Variants in MTUS1 observed in about 807,000 individuals in gnomAD.
The protein encoded by MTUS1 is microtubule-associated tumor suppressor 1.
Under a neutral mutation model 120.8 loss-of-function variants are expected in MTUS1, and 109 were observed. The ratio of observed to expected loss-of-function variants is 0.90; its 90% confidence interval spans 0.77 to 1.06. The LOEUF (loss-of-function observed/expected upper bound fraction) is 1.06. Ranked by LOEUF, MTUS1 falls within the 50% of genes least tolerant of loss-of-function variation. The pLI, the probability that MTUS1 is intolerant of heterozygous loss-of-function variation, is 0.00. For missense variants in MTUS1, 2,210 were observed against 1,486.3 expected (o/e 1.49, Z -8.01); for synonymous variants, 737 against 550.5 (o/e 1.34, Z -4.74).
chr8:17,666,595 T>C (rs1810962795), intron 8 of MTUS1, among the ~76,000 whole-genome samples: 1 of 152,168 alleles, frequency 6.6e-6, no homozygotes. Flanking sequence ...AAAGTGCAGA[T>C]TCCTCCTCAA....
At chr8:17,779,715 C>T (rs2050722266) in intron 1 of MTUS1, among the ~76,000 whole-genome samples, 1 of 152,210 alleles carries the variant, frequency 6.6e-6, no homozygotes, top group African/African-American at 2.4e-5. Flanking sequence ...GGTTTTCCTC[C>T]TAAACTCACA....
At chr8:17,734,465 G>T (rs1586037300) in intron 3 of MTUS1, among the ~76,000 whole-genome samples, 1 of 151,920 alleles carries the variant, frequency 6.6e-6, no homozygotes. Flanking sequence ...GGAGCAAAAA[G>T]TCCCACAAAG....
chr8:17,697,248 G>T, intron 6 of MTUS1: 1 of 1,611,296 alleles, frequency 6.2e-7, no homozygotes, highest in Non-Finnish European at 8.5e-7. Context: ...AGATCTATGC[G>T]AGACAGACCT....
At chr8:17,782,304 T>C (rs2050932526) in intron 1 of MTUS1, among the ~76,000 whole-genome samples, 1 of 152,348 alleles carries the variant, frequency 6.6e-6, no homozygotes, top group East Asian at 1.9e-4. Flanking sequence ...GATGATGTAG[T>C]AAGTTAAATA....
intron 6 of MTUS1, among the ~76,000 whole-genome samples, chr8:17,698,526 A>C (rs955561834): frequency 6.6e-6 from 1 of 152,234 alleles, no homozygotes. Flanking sequence ...ACAATGTTTT[A>C]AAAATGTCCT....
At chr8:17,780,347 C>T (rs1254544433) in intron 1 of MTUS1, among the ~76,000 whole-genome samples, 9 of 152,120 alleles carry the variant, frequency 5.9e-5, no homozygotes, top group African/African-American at 2.2e-4. Context: ...AACCATGAGC[C>T]AATTAAACCT....
intron 1 of MTUS1, among the ~76,000 whole-genome samples, chr8:17,769,488 C>A (rs1462331041): frequency 1.3e-5 from 2 of 151,010 alleles, no homozygotes; most frequent in Non-Finnish European, 2.9e-5. Context: ...GCTGGGACTA[C>A]AGGCGCCCGC....
intron 6 of MTUS1, among the ~76,000 whole-genome samples, chr8:17,686,953 A>T (rs1815937782): frequency 6.6e-6 from 1 of 152,224 alleles, no homozygotes; most frequent in East Asian, 1.9e-4. Context: ...TTAAAGTGAA[A>T]TTCGAGGACA....
At chr8:17,759,007 G>C (rs2048836188) in intron 1 of MTUS1, among the ~76,000 whole-genome samples, 2 of 151,968 alleles carry the variant, frequency 1.3e-5, no homozygotes, top group Admixed American at 1.3e-4. Flanking sequence ...TCAGCCTCCC[G>C]AGTAGCTGGG....
chr8:17,687,350 A>T (rs1816038018), intron 6 of MTUS1, among the ~76,000 whole-genome samples: 1 of 152,160 alleles, frequency 6.6e-6, no homozygotes, highest in African/African-American at 2.4e-5. Context: ...AAAAATCTCC[A>T]ATGACGCTCA....
intron 4 of MTUS1, chr8:17,722,050 C>G: frequency 1.5e-6 from 2 of 1,307,802 alleles, no homozygotes; most frequent in Non-Finnish European, 1.9e-6. Context: ...ATTAAACCAG[C>G]TAGCAAATCA....
chr8:17,728,242 G>C (rs1478059142), intron 3 of MTUS1, among the ~76,000 whole-genome samples: 1 of 152,108 alleles, frequency 6.6e-6, no homozygotes, highest in Non-Finnish European at 1.5e-5. Context: ...GTTGTAGGAA[G>C]CTGGGATTAC....
intron 8 of MTUS1, among the ~76,000 whole-genome samples, chr8:17,663,605 G>T (rs1413037148): frequency 3.0e-5 from 3 of 98,560 alleles, no homozygotes; most frequent in Non-Finnish European, 8.8e-5. Context: ...GTTTTGTTTT[G>T]TTTTTTTTGA....
At chr8:17,647,767 A>T (rs149155407) in intron 13 of MTUS1, among the ~76,000 whole-genome samples, 1 of 152,314 alleles carries the variant, frequency 6.6e-6, no homozygotes, top group African/African-American at 2.4e-5. Flanking sequence ...ATGCCTGAGG[A>T]CATTTAATCA....
chr8:17,762,866 A>T (rs969798558), intron 1 of MTUS1, among the ~76,000 whole-genome samples: 3 of 152,174 alleles, frequency 2.0e-5, no homozygotes, highest in Admixed American at 2.0e-4. Flanking sequence ...GGTGATACCA[A>T]TCCTTTTGGT....
intron 6 of MTUS1, among the ~76,000 whole-genome samples, chr8:17,687,964 G>T (rs1816170912): frequency 6.6e-6 from 1 of 152,148 alleles, no homozygotes; most frequent in South Asian, 2.1e-4. Context: ...AAACAATTTT[G>T]AGAGAAAAAC....
intron 1 of MTUS1, among the ~76,000 whole-genome samples, chr8:17,778,236 C>G (rs1427940911): frequency 6.6e-6 from 1 of 152,082 alleles, no homozygotes; most frequent in Non-Finnish European, 1.5e-5. Flanking sequence ...ACAGATGTAT[C>G]TCAAACACAT....
intron 8 of MTUS1, among the ~76,000 whole-genome samples, chr8:17,666,541 G>A (rs1810948270): frequency 6.6e-6 from 1 of 152,070 alleles, no homozygotes; most frequent in Non-Finnish European, 1.5e-5. Context: ...GTGTCAAAGG[G>A]TAGTCCTGGG....
At chr8:17,790,084 C>T (rs2051643371) in intron 1 of MTUS1, among the ~76,000 whole-genome samples, 1 of 152,246 alleles carries the variant, frequency 6.6e-6, no homozygotes, top group South Asian at 2.1e-4. Context: ...CACGGTGGCT[C>T]ACACCTGTAA....
Sources: gnomAD v4.1 joint callset for allele counts (sites outside exome capture counted in the v4.1 genomes callset) on GRCh38, gnomAD v4.1.1 for gene constraint, MANE v1.5 for transcripts, NCBI Gene and HGNC (gene_info 2026-07-23, HGNC 2026-07-21) for gene names.